Variants in CNTNAP2 observed in about 807,000 individuals in gnomAD.
The protein encoded by CNTNAP2 is contactin-associated protein-like 2.
In CNTNAP2, 98 loss-of-function variants were observed where a neutral mutation model predicts 155.2. That is an observed-to-expected ratio of 0.63 (90% CI 0.54 to 0.75). The LOEUF (loss-of-function observed/expected upper bound fraction) is 0.75. Ranked by LOEUF, CNTNAP2 falls within the 30% of genes least tolerant of loss-of-function variation. The pLI, the probability that CNTNAP2 is intolerant of heterozygous loss-of-function variation, is 0.00. For synonymous variants in CNTNAP2, 651 were observed against 631.2 expected, an observed-to-expected ratio of 1.03 and a Z score of -0.47; for missense variants, 1,727 against 1,688.1, an observed-to-expected ratio of 1.02 and a Z score of -0.40.
chr7:147,625,046 C>G (rs998756091), intron 12 of CNTNAP2, among the ~76,000 whole-genome samples: 6 of 151,922 alleles, frequency 3.9e-5, no homozygotes, highest in Non-Finnish European at 8.8e-5. Context: ...TTTGGGGGAT[C>G]CAAAAATCAA....
intron 13 of CNTNAP2, among the ~76,000 whole-genome samples, chr7:147,734,103 A>C (rs1796794975): frequency 6.6e-6 from 1 of 152,134 alleles, no homozygotes; most frequent in Admixed American, 6.5e-5. Flanking sequence ...CTGTTTTCGA[A>C]GGGAATGCTT....
intron 1 of CNTNAP2, among the ~76,000 whole-genome samples, chr7:146,688,042 G>A (rs892607324): frequency 2.0e-5 from 3 of 152,246 alleles, no homozygotes; most frequent in Middle Eastern, 6.8e-3. Context: ...ACAGCTGGAA[G>A]TAAAGATGTC....
intron 21 of CNTNAP2, among the ~76,000 whole-genome samples, chr7:148,277,732 C>T (rs555856635): frequency 6.6e-6 from 1 of 151,902 alleles, no homozygotes; most frequent in South Asian, 2.1e-4. Flanking sequence ...GCTTAGCTCT[C>T]GTCTCTCCTG....
At chr7:146,643,365 G>A (rs1338593877) in intron 1 of CNTNAP2, among the ~76,000 whole-genome samples, 1 of 152,006 alleles carries the variant, frequency 6.6e-6, no homozygotes, top group Non-Finnish European at 1.5e-5. Context: ...TCCAGTTTCA[G>A]CTTTCTACAT....
intron 14 of CNTNAP2, among the ~76,000 whole-genome samples, chr7:147,918,985 C>A (rs1159412): frequency 0.64 from 97,857 of 151,992 alleles, 32,384 homozygotes; most frequent in East Asian, 0.8. Context: ...TCAGTGGGTG[C>A]CCAGTCAAAG....
intron 8 of CNTNAP2, among the ~76,000 whole-genome samples, chr7:147,132,862 T>G (rs888402271): frequency 6.6e-6 from 1 of 152,144 alleles, no homozygotes; most frequent in Admixed American, 6.6e-5. Flanking sequence ...ATCTGGTATC[T>G]TTTCTCTTTA....
intron 5 of CNTNAP2, among the ~76,000 whole-genome samples, chr7:147,113,262 T>C (rs997168753): frequency 1.3e-5 from 2 of 152,034 alleles, no homozygotes; most frequent in African/African-American, 4.8e-5. Flanking sequence ...GAAATACAAA[T>C]GTATTTCTGT....
chr7:147,684,609 C>T (rs1007845942), intron 13 of CNTNAP2, among the ~76,000 whole-genome samples: 8 of 151,754 alleles, frequency 5.3e-5, no homozygotes, highest in African/African-American at 1.9e-4. Flanking sequence ...CGTTGATGGC[C>T]CTGAGGTGTC....
chr7:147,118,906 AT>A (rs1237010242), intron 5 of CNTNAP2, among the ~76,000 whole-genome samples: 1 of 152,152 alleles, frequency 6.6e-6, no homozygotes, highest in Admixed American at 6.5e-5. Flanking sequence ...AGGTGGAAAT[AT>A]TTTTGCATTA....
At chr7:148,008,437 A>G (rs1257821150) in intron 15 of CNTNAP2, among the ~76,000 whole-genome samples, 1 of 152,216 alleles carries the variant, frequency 6.6e-6, no homozygotes, top group Non-Finnish European at 1.5e-5. Flanking sequence ...CTTTGATTAA[A>G]AATCTGTCAA....
chr7:147,141,065 G>T (rs1458878589), intron 8 of CNTNAP2, among the ~76,000 whole-genome samples: 1 of 152,100 alleles, frequency 6.6e-6, no homozygotes, highest in Non-Finnish European at 1.5e-5. Flanking sequence ...TAATTATCTT[G>T]CTATGGCTCC....
chr7:148,178,884 A>G (rs1011689118), intron 18 of CNTNAP2, among the ~76,000 whole-genome samples: 3 of 152,110 alleles, frequency 2.0e-5, no homozygotes, highest in Admixed American at 6.5e-5. Flanking sequence ...ATCCTTCCCT[A>G]ATAGCTTTAA....
At chr7:148,110,360 G>A (rs1043542653) in intron 15 of CNTNAP2, among the ~76,000 whole-genome samples, 6 of 152,084 alleles carry the variant, frequency 3.9e-5, no homozygotes, top group East Asian at 2.0e-4. Flanking sequence ...GCCTGCACAC[G>A]GAAACAGTGC....
intron 2 of CNTNAP2, among the ~76,000 whole-genome samples, chr7:146,818,680 T>C (rs1283336219): frequency 6.6e-6 from 1 of 152,148 alleles, no homozygotes; most frequent in Non-Finnish European, 1.5e-5. Flanking sequence ...ATTTGATAAA[T>C]GTAACATTTA....
chr7:148,075,928 C>T (rs780002579), intron 15 of CNTNAP2, among the ~76,000 whole-genome samples: 2 of 152,076 alleles, frequency 1.3e-5, no homozygotes, highest in African/African-American at 4.8e-5. Flanking sequence ...GGTGATGAGT[C>T]GAAAGTAGCC....
Position 146,933,656 on chromosome 7 carries a change from A to T in CNTNAP2, c.402+93752A>T, listed in dbSNP as rs1377997505. On this transcript the variant is annotated intron_variant, in intron 3 of 23. Transcript: ENST00000361727. The stretch of plus-strand genomic sequence containing the variant: ...TACCATCAGAGTGAACAGGCAACCT[A>T]CAAAATGGGAGAAAATTTTCGCAAC... Among the ~76,000 whole-genome samples the T allele has an allele frequency of 3.4e-5, 5 of 148,868 alleles. No homozygotes were observed. The East Asian group carries it at 9.8e-4, about 29-fold the overall frequency.
intron 3 of CNTNAP2, among the ~76,000 whole-genome samples, chr7:146,841,327 A>C (rs1277851331): frequency 6.0e-5 from 9 of 151,220 alleles, no homozygotes; most frequent in African/African-American, 2.2e-4. Context: ...TTGCCCTTAA[A>C]ATTTGGCAGA....
chr7:146,929,921 A>G (rs1796709091), intron 3 of CNTNAP2, among the ~76,000 whole-genome samples: 1 of 152,204 alleles, frequency 6.6e-6, no homozygotes, highest in Admixed American at 6.5e-5. Flanking sequence ...CAAAGCCTCC[A>G]AGAAATATGG....
At chr7:147,575,282 A>ATG (rs1268291237) in intron 12 of CNTNAP2, among the ~76,000 whole-genome samples, 1 of 122,276 alleles carries the variant, frequency 8.2e-6, no homozygotes, top group East Asian at 2.5e-4. Context: ...GAGTACGCAT[A>ATG]TGTGTGTGTG....
Sources: allele counts gnomAD v4.1 joint callset (sites outside exome capture counted in the v4.1 genomes callset), GRCh38; gene constraint gnomAD v4.1.1; transcripts MANE v1.5; gene names NCBI Gene and HGNC (gene_info 2026-07-23, HGNC 2026-07-21).